Variants in POLN observed in about 807,000 individuals in gnomAD.
POLN encodes the protein DNA polymerase N.
A neutral mutation model predicts 113.5 loss-of-function variants in POLN; 108 were observed. The observed-to-expected ratio is 0.95, with a 90% CI of 0.81 to 1.12. POLN has a LOEUF of 1.12. Ranked by LOEUF, POLN falls within the 50% of genes most tolerant of loss-of-function variation. The probability of loss-of-function intolerance (pLI) is 0.00; values close to 1 mark genes in which losing one functional copy is unlikely to be tolerated. For missense variants in POLN, 1,097 were observed against 1,077.1 expected, an observed-to-expected ratio of 1.02 and a Z score of -0.26; for synonymous variants, 386 against 391.5, an observed-to-expected ratio of 0.99 and a Z score of 0.17.
At chr4:2,205,053 G>C (rs1210549430) in intron 5 of POLN, among the ~76,000 whole-genome samples, 1 of 152,094 alleles carries the variant, frequency 6.6e-6, no homozygotes, top group Non-Finnish European at 1.5e-5. Context: ...CCACTCTCAC[G>C]ACTTCCTTTC....
intron 19 of POLN, among the ~76,000 whole-genome samples, chr4:2,103,257 C>G (rs569933481): frequency 6.6e-6 from 1 of 151,484 alleles, no homozygotes; most frequent in South Asian, 2.1e-4. Flanking sequence ...GAAACAAAAC[C>G]AAAAAAACCA....
chr4:2,080,521 G>A (rs1730382719), intron 23 of POLN: 1 of 1,164,968 alleles, frequency 8.6e-7, no homozygotes, highest in South Asian at 1.8e-5. Flanking sequence ...ACTGGTGGCA[G>A]CAACAGGTAG....
intron 8 of POLN, chr4:2,177,421 T>TTG (rs1733024149): frequency 3.0e-6 from 1 of 338,808 alleles, no homozygotes; most frequent in East Asian, 1.0e-4. Flanking sequence ...TGCCACCTCT[T>TTG]TGGAGAGAAT....
At chr4:2,207,824 C>T (rs1382718965) in intron 5 of POLN, among the ~76,000 whole-genome samples, 163 bp downstream of exon 5, 17 of 152,176 alleles carry the variant, frequency 1.1e-4, no homozygotes, top group Admixed American at 1.1e-3. Flanking sequence ...TTTACAGTTT[C>T]CTAAGAAACT....
At chr4:2,153,949 G>A (rs1269126145) in intron 16 of POLN, among the ~76,000 whole-genome samples, 1 of 151,666 alleles carries the variant, frequency 6.6e-6, no homozygotes, top group East Asian at 2.0e-4. Flanking sequence ...TGCAATCCCA[G>A]CACTTTGGGA....
chr4:2,172,394 A>G (rs1330443780), intron 11 of POLN, among the ~76,000 whole-genome samples: 1 of 59,296 alleles, frequency 1.7e-5, no homozygotes, highest in East Asian at 3.2e-4. Context: ...AACCGCCTCC[A>G]ACAATGATAA....
chr4:2,165,927 C>T (rs2108744854), intron 13 of POLN, among the ~76,000 whole-genome samples: 1 of 152,168 alleles, frequency 6.6e-6, no homozygotes, highest in African/African-American at 2.4e-5. Flanking sequence ...CCAGTGTGCA[C>T]CACCATACCT....
chr4:2,179,764 C>G (rs1438747095), intron 7 of POLN, among the ~76,000 whole-genome samples: 1 of 152,170 alleles, frequency 6.6e-6, no homozygotes, highest in Non-Finnish European at 1.5e-5. Flanking sequence ...CTCTCAAAAA[C>G]ATGTTAAAAG....
intron 7 of POLN, among the ~76,000 whole-genome samples, chr4:2,180,669 T>C (rs1428053325): frequency 2.0e-5 from 3 of 152,248 alleles, no homozygotes; most frequent in Non-Finnish European, 4.4e-5. Context: ...ACTGTTTCAC[T>C]CCACTTCCCT....
At chr4:2,207,440 C>A (rs1461411518) in intron 5 of POLN, among the ~76,000 whole-genome samples, 1 of 150,828 alleles carries the variant, frequency 6.6e-6, no homozygotes, top group Non-Finnish European at 1.5e-5. Context: ...CAAAAGACAC[C>A]CTCAATAATT....
At chr4:2,117,161 T>C (rs1731335920) in intron 19 of POLN, among the ~76,000 whole-genome samples, 2 of 152,224 alleles carry the variant, frequency 1.3e-5, no homozygotes, top group African/African-American at 2.4e-5. Flanking sequence ...GTGGTTGTCA[T>C]GGCAGAAGAA....
chr4:2,212,989 GC>G (rs1390551024), intron 4 of POLN, 57 bp downstream of exon 4: 11 of 1,210,548 alleles, frequency 9.1e-6, no homozygotes, highest in Non-Finnish European at 1.2e-5. Flanking sequence ...CACTTAATAA[GC>G]ATCTATTGAA....
At chr4:2,200,568 T>G (rs1238475131) in intron 5 of POLN, among the ~76,000 whole-genome samples, 3 of 152,136 alleles carry the variant, frequency 2.0e-5, no homozygotes, top group Admixed American at 1.3e-4. Flanking sequence ...CCAGGACAGC[T>G]TGGAGCCTGG....
chr4:2,219,433 T>G (rs996523930), intron 3 of POLN, among the ~76,000 whole-genome samples: 1 of 152,136 alleles, frequency 6.6e-6, no homozygotes, highest in Non-Finnish European at 1.5e-5. Context: ...TCTCCTTCAG[T>G]CAGTTGGTTC....
In POLN at chr4:2,100,580, G is replaced by C. The variant is rs116354305; in HGVS notation, c.1983-4647C>G. On this transcript the variant is annotated intron_variant, in intron 19 of 25. Coordinates refer to ENST00000511885, the MANE Select transcript of POLN (RefSeq NM_181808.4). ...TTTACCTTAGCACACTTTCAATTAA[G>C]GTATCGGGAGGACTGGGGGGTGAAT... 6.8e-3 allele frequency among the ~76,000 whole-genome samples: 1,038 copies of C among 152,272 alleles called. 9 individuals carry two copies. Among genetic ancestry groups the C allele is most frequent in the Non-Finnish European group, 0.01 (696 of 68,028 alleles).
chr4:2,211,244 G>A (rs1284384530), intron 4 of POLN, among the ~76,000 whole-genome samples: 3 of 135,848 alleles, frequency 2.2e-5, no homozygotes, highest in South Asian at 4.6e-4. Flanking sequence ...GCGAGACTCC[G>A]TCTCCAAATA....
chr4:2,150,976 A>C (rs1732281647), intron 16 of POLN, among the ~76,000 whole-genome samples: 1 of 152,250 alleles, frequency 6.6e-6, no homozygotes, highest in Non-Finnish European at 1.5e-5. Context: ...GATAAATCAG[A>C]ATTCATTAAA....
rs1004697909 is a variant in POLN, at chr4:2,126,652, G to A, written c.1982+1461C>T. On this transcript the variant is annotated intron_variant, in intron 19 of 25. Coordinates refer to ENST00000511885, the MANE Select transcript of POLN (RefSeq NM_181808.4). The surrounding 1 kb of genome is among the most constrained non-coding windows in gnomAD (Gnocchi z 4.6). ...GTGGAGACCAGAGAGGAGCGGCGCC[G>A]TGCCCAGCATCAGGGGAGGGTGGTC... 6.6e-5 allele frequency among the ~76,000 whole-genome samples: 10 copies of A among 152,124 alleles called. No homozygotes were observed. Among genetic ancestry groups the A allele is most frequent in the East Asian group, 1.9e-4 (1 of 5,182 alleles).
chr4:2,122,729 A>C (rs1441346978), intron 19 of POLN, among the ~76,000 whole-genome samples: 1 of 152,212 alleles, frequency 6.6e-6, no homozygotes, highest in Non-Finnish European at 1.5e-5. Flanking sequence ...TAAATGATTA[A>C]GATGGTAAAT....
Sources: allele counts gnomAD v4.1 joint callset (sites outside exome capture counted in the v4.1 genomes callset), GRCh38; gene constraint gnomAD v4.1.1; non-coding constraint Gnocchi (gnomAD v3.1); transcripts MANE v1.5; gene names NCBI Gene and HGNC (gene_info 2026-07-23, HGNC 2026-07-21).